CFAP44: variants seen among roughly 807,000 people sequenced by gnomAD.
CFAP44 encodes cilia- and flagella-associated protein 44.
A neutral mutation model predicts 216.2 loss-of-function variants in CFAP44; 134 were observed. The ratio of observed to expected loss-of-function variants is 0.62; its 90% confidence interval spans 0.54 to 0.72. CFAP44 has a LOEUF of 0.72. CFAP44 is among the 30% of genes least tolerant of loss of function. CFAP44 has a pLI of 0.00. For synonymous variants in CFAP44, 700 were observed against 727.6 expected (o/e 0.96, Z 0.61); for missense variants, 2,035 against 2,182.1 (o/e 0.93, Z 1.34).
chr3:113,342,378 A>T (rs1170965534), intron 23 of CFAP44, among the ~76,000 whole-genome samples: 2 of 152,148 alleles, frequency 1.3e-5, no homozygotes, highest in Non-Finnish European at 2.9e-5. Flanking sequence ...TTATTGACCA[A>T]CTACTATGAA....
intron 21 of CFAP44, among the ~76,000 whole-genome samples, chr3:113,362,028 C>T (rs1238845304): frequency 6.6e-6 from 1 of 151,494 alleles, no homozygotes; most frequent in Non-Finnish European, 1.5e-5. Context: ...GGATAACTGC[C>T]ACCAGAGCTG....
intron 9 of CFAP44, among the ~76,000 whole-genome samples, chr3:113,402,124 A>G (rs1043747858): frequency 4.6e-5 from 7 of 152,252 alleles, no homozygotes; most frequent in African/African-American, 1.7e-4. Context: ...TCTACATACC[A>G]GCAGGCCCCT....
At chr3:113,319,139 C>T (rs113986901) in intron 28 of CFAP44, among the ~76,000 whole-genome samples, 2 of 151,922 alleles carry the variant, frequency 1.3e-5, no homozygotes, top group Admixed American at 6.6e-5. Flanking sequence ...AGCTAGAGTG[C>T]CAAACTGGAT....
At chr3:113,419,124 A>T (rs1934734630) in intron 5 of CFAP44, among the ~76,000 whole-genome samples, 1 of 152,210 alleles carries the variant, frequency 6.6e-6, no homozygotes, top group South Asian at 2.1e-4. Flanking sequence ...ATAGATAAAT[A>T]TGTGATAATT....
intron 4 of CFAP44, among the ~76,000 whole-genome samples, chr3:113,424,574 A>G (rs1934908910): frequency 6.6e-6 from 1 of 152,218 alleles, no homozygotes; most frequent in South Asian, 2.1e-4. Context: ...ATTCCTCACA[A>G]GATATAGAGA....
intron 17 of CFAP44, among the ~76,000 whole-genome samples, chr3:113,377,654 A>AAT (rs1297408311): frequency 1.2e-4 from 18 of 152,138 alleles, no homozygotes; most frequent in African/African-American, 4.1e-4. Context: ...GACAAACAAA[A>AAT]ACATATATAT....
chr3:113,383,274 G>C (rs1933561464), intron 15 of CFAP44, among the ~76,000 whole-genome samples: 1 of 152,180 alleles, frequency 6.6e-6, no homozygotes, highest in African/African-American at 2.4e-5. Context: ...CTAGGAGCTG[G>C]GAAGTCCAAG....
At chr3:113,409,006 CAAAAAAAAAAA>C (rs56301009) in intron 7 of CFAP44, 89 bp downstream of exon 7, 34 of 319,554 alleles carry the variant, frequency 1.1e-4, no homozygotes, top group Admixed American at 2.4e-4. Flanking sequence ...ACCAAAACAG[CAAAAAAAAAAA>C]AAAAAAAAAA....
At chr3:113,337,546 G>C (rs979091795) in intron 24 of CFAP44, among the ~76,000 whole-genome samples, 1 of 152,106 alleles carries the variant, frequency 6.6e-6, no homozygotes, top group Non-Finnish European at 1.5e-5. Context: ...TGGATTTCAA[G>C]ATCTATTATA....
At chr3:113,406,384 G>A (rs1481918027) in intron 8 of CFAP44, among the ~76,000 whole-genome samples, 1 of 152,094 alleles carries the variant, frequency 6.6e-6, no homozygotes, top group African/African-American at 2.4e-5. Flanking sequence ...CAAATATTTG[G>A]GAGGCCGAGG....
intron 22 of CFAP44, among the ~76,000 whole-genome samples, chr3:113,348,912 G>T (rs975640870): frequency 6.6e-6 from 1 of 152,180 alleles, no homozygotes; most frequent in East Asian, 1.9e-4. Flanking sequence ...GGCCTTTAAT[G>T]AAAAGAATGC....
In CFAP44 at chr3:113,304,381, C is replaced by T. The variant is rs939847054; in HGVS notation, c.4876-264G>A. On this transcript the variant is annotated intron_variant, in intron 31 of 34. Transcript: ENST00000393845. ...ATCTACTGCATAATGATGTGACAAACATTTCAGGGCTGGCATACTAGGCAA... is the reference window on the plus strand; with the variant it reads ...ATCTACTGCATAATGATGTGACAAATATTTCAGGGCTGGCATACTAGGCAA... The T allele has an allele frequency of 2.0e-5, 8 of 403,964 alleles. No individual in the cohort carries two copies. The Admixed American group carries it at 2.0e-4, about 10-fold the overall frequency. The allele number at this position is 403,964 out of a possible 1,614,324, so 25.0% of individuals were successfully genotyped here. A position where few individuals can be genotyped will look rare whatever the true frequency, so the allele number is the denominator to read the frequency against.
intron 13 of CFAP44, 43 bp downstream of exon 13, chr3:113,399,863 T>C: frequency 7.3e-7 from 1 of 1,364,556 alleles, no homozygotes; most frequent in Non-Finnish European, 1.0e-6. Flanking sequence ...ATATACCATA[T>C]TTACCAATAG....
intron 15 of CFAP44, 106 bp downstream of exon 15, chr3:113,395,644 G>A: frequency 1.1e-6 from 1 of 942,782 alleles, no homozygotes. Flanking sequence ...CTCACTGCAG[G>A]AACCAGGAGT....
Position 113,416,600 on chromosome 3 carries a change from C to G in CFAP44, c.598G>C (p.Val200Leu), listed in dbSNP as rs375438342. ...GVHPHKTYFT[V>L]AEKGSFPDII... ...TCTGGAAAACTCCCTTTTTCAGCTA[C>G]TGTGAAATAAGTTTTATGTGGATGA... The change falls in exon 6 of 35, where the codon GTA (valine) becomes CTA (leucine). Residue 200 changes from valine to leucine, a missense_variant. Coordinates refer to ENST00000393845, the MANE Select transcript of CFAP44 (RefSeq NM_001164496.2). The G allele has an allele frequency of 6.2e-7, 1 of 1,611,580 alleles. No homozygotes were observed. Among genetic ancestry groups the G allele is most frequent in the Admixed American group, 1.7e-5 (1 of 59,702 alleles).
In CFAP44 at chr3:113,333,589, A is replaced by G; in HGVS notation, c.3438-6T>C. ...CACCAGGTTTACTCTTGTATCTATTAGAAAAACAGACAACCCCCCCACACA... is the reference window on the plus strand; with the variant it reads ...CACCAGGTTTACTCTTGTATCTATTGGAAAAACAGACAACCCCCCCACACA... On this transcript the variant is annotated splice_region_variant and splice_polypyrimidine_tract_variant and intron_variant, in intron 24 of 34. Transcript: ENST00000393845. 6.6e-7 allele frequency: 1 copy of G among 1,509,796 alleles called. No homozygotes were observed. 93.5% of individuals were successfully genotyped at this position (1,509,796 alleles called of 1,614,324 possible).
At chr3:113,393,453 G>A (rs1028758028) in intron 15 of CFAP44, among the ~76,000 whole-genome samples, 6 of 152,040 alleles carry the variant, frequency 3.9e-5, no homozygotes, top group African/African-American at 1.5e-4. Flanking sequence ...GGTGGGGAAG[G>A]GGGTGGGTTC....
At chr3:113,359,700 C>G (rs1243877462) in intron 21 of CFAP44, among the ~76,000 whole-genome samples, 1 of 151,782 alleles carries the variant, frequency 6.6e-6, no homozygotes, top group African/African-American at 2.4e-5. Flanking sequence ...GACTGGGTAA[C>G]CCATGAATAT....
At chr3:113,389,969 G>T (rs1352627905) in intron 15 of CFAP44, among the ~76,000 whole-genome samples, 2 of 152,012 alleles carry the variant, frequency 1.3e-5, no homozygotes, top group Non-Finnish European at 2.9e-5. Flanking sequence ...GAAAAATGAG[G>T]AGAAGGGAAT....
Sources: allele counts gnomAD v4.1 joint callset (sites outside exome capture counted in the v4.1 genomes callset), GRCh38; gene constraint gnomAD v4.1.1; transcripts MANE v1.5; gene names NCBI Gene and HGNC (gene_info 2026-07-23, HGNC 2026-07-21).